The following RSRC2 variants were observed in gnomAD, a reference collection of about 807,000 sequenced individuals.
RSRC2 encodes arginine/serine-rich coiled-coil protein 2.
RSRC2 carries 5 observed loss-of-function variants against 61.3 expected under a neutral mutation model. That is an observed-to-expected ratio of 0.08 (90% CI 0.04 to 0.17). The LOEUF (loss-of-function observed/expected upper bound fraction) is 0.17, where lower values mean the gene tolerates loss of function less well. Among genes scored for constraint, RSRC2 ranks in the 10% least tolerant of loss-of-function variants. RSRC2 has a pLI of 1.00. For missense variants in RSRC2, 381 were observed against 518.8 expected (o/e 0.73, Z 2.58); for synonymous variants, 202 against 166.5 (o/e 1.21, Z -1.64).
intron 2 of RSRC2, among the ~76,000 whole-genome samples, chr12:122,521,933 G>A (rs1959252514): frequency 6.6e-6 from 1 of 152,238 alleles, no homozygotes; most frequent in African/African-American, 2.4e-5. Flanking sequence ...CCCAGCAGAT[G>A]GAGGTTGCAT....
intron 6 of RSRC2, among the ~76,000 whole-genome samples, chr12:122,513,114 G>A (rs1044294860): frequency 3.2e-4 from 49 of 151,814 alleles, no homozygotes; most frequent in African/African-American, 9.4e-4. Context: ...AGAATTGCCT[G>A]AACCCAGAAG....
intron 9 of RSRC2, 109 bp from the exon 10 acceptor site, chr12:122,505,815 G>T (rs923820669): frequency 1.6e-5 from 15 of 939,596 alleles, no homozygotes; most frequent in Non-Finnish European, 2.3e-5. Context: ...GTCTTGCTCT[G>T]TTGTCCCGTC....
chr12:122,514,112 A>C (rs184875333), intron 6 of RSRC2, among the ~76,000 whole-genome samples: 18 of 152,320 alleles, frequency 1.2e-4, no homozygotes, highest in African/African-American at 4.3e-4. Context: ...GAAATACTGC[A>C]AACAAGTGCT....
intron 9 of RSRC2, 131 bp from the exon 10 acceptor site, chr12:122,505,837 G>T: frequency 1.4e-6 from 1 of 712,420 alleles, no homozygotes; most frequent in Non-Finnish European, 2.2e-6. Flanking sequence ...GGAGTGCAGT[G>T]GTGCCATCTC....
rs913444483 is a variant in RSRC2 at position 122,505,385 on chromosome 12, T to C, written c.*142A>G. The C allele has an allele frequency of 1.4e-6, 1 of 711,284 alleles. No homozygotes were observed. The highest frequency in any genetic ancestry group is 2.2e-5 in the South Asian group (1 of 45,990). The allele number at this position is 711,284 out of a possible 1,614,324, so 44.1% of individuals were successfully genotyped here. A position where few individuals can be genotyped will look rare whatever the true frequency, so the allele number is the denominator to read the frequency against. On this transcript the variant is annotated 3_prime_UTR_variant, in exon 10 of 10. Transcript: ENST00000331738. ...ACTAACACCAGTATCACTGATCTGA[T>C]ATTTACAAAAATTTGTATTTTTCAA... is the stretch of plus-strand genomic sequence containing the variant.
At chr12:122,509,801 CAG>C (rs950693472) in intron 7 of RSRC2, among the ~76,000 whole-genome samples, 6 of 152,052 alleles carry the variant, frequency 3.9e-5, no homozygotes, top group Admixed American at 3.9e-4. Context: ...ACCAAATCAA[CAG>C]TAAGCTCTTC....
chr12:122,506,404 T>G (rs920312026), intron 9 of RSRC2: 1 of 159,208 alleles, frequency 6.3e-6, no homozygotes, highest in South Asian at 1.9e-4. Flanking sequence ...AAACATAATA[T>G]GTAGAAGATG....
At chr12:122,524,651 A>C (rs1224345561) in intron 1 of RSRC2, among the ~76,000 whole-genome samples, 2 of 152,204 alleles carry the variant, frequency 1.3e-5, no homozygotes, top group African/African-American at 4.8e-5. Flanking sequence ...GAGCAACAAC[A>C]AAAACCATCT....
At chr12:122,514,409 C>A (rs559265456) in intron 6 of RSRC2, among the ~76,000 whole-genome samples, 1 of 151,242 alleles carries the variant, frequency 6.6e-6, no homozygotes, top group Admixed American at 6.6e-5. Flanking sequence ...GGATTACAGG[C>A]GCCTGCCACC....
At chr12:122,520,351 G>A in intron 3 of RSRC2, 1 of 419,806 alleles carries the variant, frequency 2.4e-6, no homozygotes, top group Non-Finnish European at 4.3e-6. Flanking sequence ...GACTGGAAAA[G>A]TCTTAAGTGG....
intron 8 of RSRC2, chr12:122,507,883 C>T: frequency 2.7e-6 from 1 of 370,250 alleles, no homozygotes; most frequent in South Asian, 2.2e-5. Context: ...TGTATGTAGG[C>T]TCTGCATCCC....
chr12:122,506,852 C>A lies in RSRC2; in HGVS notation c.1107G>T (p.Arg369Ser). ...AACTCACCTTAATACCCATCAATTT[C>A]CTAAATTTGACATTTTGGTCCTTGT... ...FGNKDQNVKF[R>S]KLMGIKSEDE... The change falls in exon 9 of 10, where the codon AGG (arginine) becomes AGT (serine). Residue 369 changes from arginine to serine, a missense_variant. By Grantham distance (110) the Arg-to-Ser change is moderately radical (BLOSUM62 -1). This residue lies in a region of RSRC2 where 78 missense variants were observed against 183.0 expected (regional missense o/e 0.43). Transcript: ENST00000331738. 1 of 1,605,494 alleles carries A rather than the reference C, an allele frequency of 6.2e-7. No individual in the cohort carries two copies. Among genetic ancestry groups the A allele is most frequent in the Non-Finnish European group, 8.5e-7 (1 of 1,172,304 alleles).
chr12:122,514,276 T>C, intron 6 of RSRC2, among the ~76,000 whole-genome samples: 1 of 150,326 alleles, frequency 6.7e-6, no homozygotes, highest in African/African-American at 2.4e-5. Flanking sequence ...GTGTGTTTTT[T>C]TTTTTTGAGA....
At chr12:122,524,701 C>T (rs1959799491) in intron 1 of RSRC2, among the ~76,000 whole-genome samples, 1 of 152,050 alleles carries the variant, frequency 6.6e-6, no homozygotes, top group Admixed American at 6.6e-5. Context: ...GTCATTGAGG[C>T]CATGGAAAAC....
At position 122,526,909 on chromosome 12, in the gene RSRC2, CG is replaced by C; in HGVS notation, c.-57del. The C allele has an allele frequency of 6.2e-7, 1 of 1,607,970 alleles. No homozygotes were observed. The highest frequency in any genetic ancestry group is 1.7e-5 in the Admixed American group (1 of 59,986). ...CTCCACTTGTCGCTTTCAACAGTACCGGCCGCTCCGAAGCTTCGCCTCAGAC... is the reference window on the plus strand; with the variant it reads ...CTCCACTTGTCGCTTTCAACAGTACCGCCGCTCCGAAGCTTCGCCTCAGAC... On this transcript the variant is annotated 5_prime_UTR_variant, in exon 1 of 10. Coordinates refer to ENST00000331738, the MANE Select transcript of RSRC2 (RefSeq NM_023012.6).
rs150212255 is a variant in RSRC2, at chr12:122,522,102, T to C, written c.163+41A>G. ...TTATACAACAGGTCTACATATCTTATACAAATGCTGAGAGTTGTAACCACC... is the reference window on the plus strand; with the variant it reads ...TTATACAACAGGTCTACATATCTTACACAAATGCTGAGAGTTGTAACCACC... On this transcript the variant is annotated intron_variant, in intron 2 of 9. Coordinates refer to ENST00000331738, the MANE Select transcript of RSRC2 (RefSeq NM_023012.6). 626 of 1,573,758 alleles carry C rather than the reference T, an allele frequency of 4.0e-4. 1 individual carries two copies. In the African/African-American group the frequency reaches 7.5e-3, roughly 19 times the overall value.
chr12:122,516,210 G>A (rs1193504302), intron 5 of RSRC2, among the ~76,000 whole-genome samples: 2 of 152,102 alleles, frequency 1.3e-5, no homozygotes, highest in African/African-American at 4.8e-5. Flanking sequence ...ACTGACCTAA[G>A]TTGCAATCAA....
At chr12:122,514,760 A>G (rs1349928177) in intron 6 of RSRC2, 5 of 1,121,080 alleles carry the variant, frequency 4.5e-6, no homozygotes, top group South Asian at 1.5e-5. Context: ...AAAGTAAAGG[A>G]AAAGTCATCT....
chr12:122,504,571 G>A lies in RSRC2; in HGVS notation c.*956C>T, dbSNP rs751730120. The A allele has an allele frequency of 3.9e-5, 6 of 152,270 alleles. No individual in the cohort carries two copies. The highest frequency in any genetic ancestry group is 7.3e-5 in the Non-Finnish European group (5 of 68,054). The allele number at this position is 152,270 out of a possible 1,614,324, so 9.4% of individuals were successfully genotyped here. A position where few individuals can be genotyped will look rare whatever the true frequency, so the allele number is the denominator to read the frequency against. ...AACCTGGGGGGCAGAGGCTCTGGCAGTGAGCCGAGATTGTGCCACTGCACC... is the reference window on the plus strand; with the variant it reads ...AACCTGGGGGGCAGAGGCTCTGGCAATGAGCCGAGATTGTGCCACTGCACC... On this transcript the variant is annotated 3_prime_UTR_variant, in exon 10 of 10. Coordinates refer to ENST00000331738, the MANE Select transcript of RSRC2 (RefSeq NM_023012.6).
Sources: allele counts gnomAD v4.1 joint callset (sites outside exome capture counted in the v4.1 genomes callset), GRCh38; gene constraint gnomAD v4.1.1; regional missense constraint gnomAD v4.1.1; transcripts MANE v1.5; gene names NCBI Gene and HGNC (gene_info 2026-07-23, HGNC 2026-07-21).